WFIKKN2: variants seen among roughly 807,000 people sequenced by gnomAD.
WFIKKN2 encodes WAP, Kazal, immunoglobulin, Kunitz and NTR domain-containing protein 2.
Under a neutral mutation model 39.2 loss-of-function variants are expected in WFIKKN2, and 25 were observed. That is an observed-to-expected ratio of 0.64 (90% CI 0.47 to 0.89). WFIKKN2 has a LOEUF of 0.89. WFIKKN2 is among the 40% of genes least tolerant of loss of function. WFIKKN2 has a pLI of 0.00. For synonymous variants in WFIKKN2, 345 were observed against 329.7 expected (o/e 1.05, Z -0.50); for missense variants, 770 against 811.7 (o/e 0.95, Z 0.62).
chr17:50,838,001 C>A (rs1207074698), intron 1 of WFIKKN2, among the ~76,000 whole-genome samples: 1 of 152,070 alleles, frequency 6.6e-6, no homozygotes, highest in East Asian at 1.9e-4. Flanking sequence ...TTCTAAGGAC[C>A]CCCTGTAGGT....
upstream of WFIKKN2, among the ~76,000 whole-genome samples, chr17:50,835,193 C>A (rs1971938951): frequency 1.3e-5 from 2 of 152,220 alleles, no homozygotes; most frequent in South Asian, 4.1e-4. Context: ...GCGGCGCAGG[C>A]CCGCCCTGGA....
Position 50,840,666 on chromosome 17 carries a change from C to T in WFIKKN2, c.1378C>T (p.Arg460Cys), listed in dbSNP as rs771646942. ...PRQKLVTSFC[R>C]SDFVILGRVS... Reference sequence around the variant, plus strand: ...GCAGAAGCTCGTTACCAGCTTCTGTCGCAGCGACTTTGTCATCCTGGGCCG... The same window carrying T: ...GCAGAAGCTCGTTACCAGCTTCTGTTGCAGCGACTTTGTCATCCTGGGCCG... Residue 460 changes from arginine to cysteine, a missense_variant, in exon 2 of 2, where the codon CGC becomes TGC. Physicochemically the swap from Arg to Cys is radical, Grantham distance 180. Transcript: ENST00000311378. 8.7e-6 allele frequency: 14 copies of T among 1,613,940 alleles called. No homozygotes were observed. The Admixed American group carries it at 1.3e-4, about 15-fold the overall frequency.
Position 50,840,119 on chromosome 17 carries a change from C to T in WFIKKN2, c.831C>T (p.Ala277=). ...TTGCCCAGCTGGTCATCTATAACGC[C>T]CAGCTGCAGGATGCTGGGATCTACA... The part of the protein sequence containing the change: ...TNIAQLVIYN[A]QLQDAGIYTC... Residue 277 remains alanine, a synonymous_variant, in exon 2 of 2, where the codon GCC becomes GCT. Coordinates refer to ENST00000311378, the MANE Select transcript of WFIKKN2 (RefSeq NM_175575.6). The T allele has an allele frequency of 6.2e-7, 1 of 1,601,602 alleles. No individual in the cohort carries two copies. The highest frequency in any genetic ancestry group is 1.4e-5 in the African/African-American group (1 of 71,660).
At position 50,840,375 on chromosome 17, in the gene WFIKKN2, C is replaced by A; in HGVS notation, c.1087C>A (p.Arg363Ser). 6.2e-7 allele frequency: 1 copy of A among 1,614,142 alleles called. No homozygotes were observed. The highest frequency in any genetic ancestry group is 8.5e-7 in the Non-Finnish European group (1 of 1,180,022). Reference sequence around the variant, plus strand: ...GACCTTCACCTTCGGCCACTGCCACCGTAACCTCAACCACTTTGAGACCTA... The same window carrying A: ...GACCTTCACCTTCGGCCACTGCCACAGTAACCTCAACCACTTTGAGACCTA... ...CLTFTFGHCHRNLNHFETYEA... is the reference protein window; with the variant it reads ...CLTFTFGHCHSNLNHFETYEA... Residue 363 changes from arginine (R) to serine (S), a missense_variant, in exon 2 of 2, where the codon CGT (arginine) becomes AGT (serine). Transcript: ENST00000311378.
rs781300288 is a variant in WFIKKN2 at position 50,836,019 on chromosome 17, G to T, written c.82G>T (p.Val28Leu). Residue 28 changes from valine to leucine, a missense_variant, in exon 1 of 2, where the codon GTG (valine) becomes TTG (leucine). Physicochemically the swap from Val to Leu is conservative, Grantham distance 32. Coordinates refer to ENST00000311378, the MANE Select transcript of WFIKKN2 (RefSeq NM_175575.6). ...ALLLLLLLLG[V>L]PPRSLALPPI... ...GCTGCTGCTGCTGCTACTGCTCGGGGTGCCCCCGCGAAGCCTGGCGCTGCC... is the reference window on the plus strand; with the variant it reads ...GCTGCTGCTGCTGCTACTGCTCGGGTTGCCCCCGCGAAGCCTGGCGCTGCC... 3 of 1,601,508 alleles carry T rather than the reference G, an allele frequency of 1.9e-6. No homozygotes were observed. The Admixed American group carries it at 5.2e-5, about 28-fold the overall frequency.
At position 50,840,567 on chromosome 17, in the gene WFIKKN2, GAGAGCCGTGAGGCCTGTGA is replaced by G. The variant is rs752212531; in HGVS notation, c.1280_1298del (p.Glu427GlyfsTer40). On this transcript the variant is annotated frameshift_variant, in exon 2 of 2. Transcript: ENST00000311378. LOFTEE classifies it high-confidence loss of function. ...CTGCGAGGGCAATGGCAACAACTTT[GAGAGCCGTGAGGCCTGTGA>G]GGAGTCGTGCCCCTTCCCCAGGGGG... is the stretch of plus-strand genomic sequence containing the variant. The G allele has an allele frequency of 6.2e-7, 1 of 1,614,072 alleles. No homozygotes were observed. Among genetic ancestry groups the G allele is most frequent in the East Asian group, 2.2e-5 (1 of 44,876 alleles).
Position 50,840,942 on chromosome 17 carries a change from C to A in WFIKKN2, c.1654C>A (p.Arg552Ser). ...PDSFVGASSA[R>S]RVRKLREVMH... is the part of the protein sequence containing the mutation. ...TAGCTTTGTGGGCGCATCGAGTGCC[C>A]GCCGGGTCAGGAAGCTTCGTGAGGT... is the stretch of plus-strand genomic sequence containing the variant. The change falls in exon 2 of 2, where the codon CGC becomes AGC. Residue 552 changes from arginine to serine, a missense_variant. Transcript: ENST00000311378. The A allele has an allele frequency of 6.3e-7, 1 of 1,592,172 alleles. No individual in the cohort carries two copies. The highest frequency in any genetic ancestry group is 1.1e-5 in the South Asian group (1 of 89,136).
In WFIKKN2 at chr17:50,839,753, C is replaced by T. The variant is rs1394036192; in HGVS notation, c.465C>T (p.Asn155=). The T allele has an allele frequency of 6.2e-7, 1 of 1,614,138 alleles. No homozygotes were observed. The highest frequency in any genetic ancestry group is 1.7e-5 in the Admixed American group (1 of 60,010). The change falls in exon 2 of 2, where the codon AAC becomes AAT. Residue 155 remains asparagine, a synonymous_variant. Transcript: ENST00000311378. ...TCASDGLTYY[N]RCYMDAEACS... ...CCTCGGACGGCCTCACCTACTATAA[C>T]CGCTGCTACATGGATGCCGAGGCCT...
At chr17:50,836,542 G>A (rs1422615375) in intron 1 of WFIKKN2, among the ~76,000 whole-genome samples, 1 of 109,680 alleles carries the variant, frequency 9.1e-6, no homozygotes, top group African/African-American at 3.5e-5. Flanking sequence ...TCCAGAAGCT[G>A]GAGTGTGAGG....
rs1293061730 is a variant in WFIKKN2, at chr17:50,842,110, G to A, written c.*1091G>A. ...AGGCTCTTTGTGAGACCTGGGCAAA[G>A]GATGGGGCAGCTCGTCGATGATTTT... is the stretch of plus-strand genomic sequence containing the variant. On this transcript the variant is annotated 3_prime_UTR_variant, in exon 2 of 2. Coordinates refer to ENST00000311378, the MANE Select transcript of WFIKKN2 (RefSeq NM_175575.6). 6.6e-6 allele frequency: 1 copy of A among 152,176 alleles called. No individual in the cohort carries two copies. Among genetic ancestry groups the A allele is most frequent in the Non-Finnish European group, 1.5e-5 (1 of 68,060 alleles). The allele number at this position is 152,176 out of a possible 1,614,324, so 9.4% of individuals were successfully genotyped here.
At position 50,841,058 on chromosome 17, in the gene WFIKKN2, C is replaced by T. The variant is rs373946636; in HGVS notation, c.*39C>T. 172 of 1,463,136 alleles carry T rather than the reference C, an allele frequency of 1.2e-4. 1 individual carries two copies. In the African/African-American group the frequency reaches 2.1e-3, roughly 18 times the overall value. 90.6% of individuals were successfully genotyped at this position (1,463,136 alleles called of 1,614,324 possible). Reference sequence around the variant, plus strand: ...TCCCTGCCCCCTCCCTGGCCTTCTTCCACCTATCCACCCCAATGCCTCTCA... The same window carrying T: ...TCCCTGCCCCCTCCCTGGCCTTCTTTCACCTATCCACCCCAATGCCTCTCA... On this transcript the variant is annotated 3_prime_UTR_variant, in exon 2 of 2. Transcript: ENST00000311378.
upstream of WFIKKN2, chr17:50,835,382 CCCT>C (rs1971940714): frequency 6.6e-6 from 1 of 152,586 alleles, no homozygotes; most frequent in African/African-American, 2.4e-5. Context: ...GGGAAACAAG[CCCT>C]CCTTCAGAGT....
Position 50,840,403 on chromosome 17 carries a change from A to T in WFIKKN2, c.1115A>T (p.Glu372Val), listed in dbSNP as rs1972026881. ...HRNLNHFETYEACMLACMSGP... is the reference protein window; with the variant it reads ...HRNLNHFETYVACMLACMSGP... ...AACCTCAACCACTTTGAGACCTATG[A>T]GGCCTGCATGCTGGCCTGCATGAGC... The change falls in exon 2 of 2, where the codon GAG becomes GTG. Residue 372 changes from glutamate (E) to valine (V), a missense_variant. Glu to Val is a moderately radical substitution (Grantham distance 121). Transcript: ENST00000311378. 4 of 1,613,918 alleles carry T rather than the reference A, an allele frequency of 2.5e-6. No homozygotes were observed. In the East Asian group the frequency reaches 8.9e-5, roughly 36 times the overall value.
In WFIKKN2 at chr17:50,839,827, C is replaced by T. The variant is rs1299867676; in HGVS notation, c.539C>T (p.Thr180Ile). ...GTTGTAACCTGCCGCTATCACTTCACCTGGCCCAACACCAGCCCCCCACCA... is the reference window on the plus strand; with the variant it reads ...GTTGTAACCTGCCGCTATCACTTCATCTGGCCCAACACCAGCCCCCCACCA... ...LAVVTCRYHF[T>I]WPNTSPPPPE... Residue 180 changes from threonine (T) to isoleucine (I), a missense_variant, in exon 2 of 2, where the codon ACC becomes ATC. Coordinates refer to ENST00000311378, the MANE Select transcript of WFIKKN2 (RefSeq NM_175575.6). 6.2e-7 allele frequency: 1 copy of T among 1,614,212 alleles called. No homozygotes were observed. The highest frequency in any genetic ancestry group is 8.5e-7 in the Non-Finnish European group (1 of 1,180,016).
Position 50,840,288 on chromosome 17 carries a change from AGT to A in WFIKKN2, c.1002_1003del (p.Ser334ArgfsTer30). ...PAAECLKPPDSEDCGEEQTRW... is the reference protein window; with the variant it reads ...PAAECLKPPDXEDCGEEQTRW... ...GGCCGAGTGCCTGAAGCCCCCAGACAGTGAGGACTGTGGCGAAGAGCAGACCC... is the reference window on the plus strand; with the variant it reads ...GGCCGAGTGCCTGAAGCCCCCAGACAGAGGACTGTGGCGAAGAGCAGACCC... On this transcript the variant is annotated frameshift_variant, in exon 2 of 2. Coordinates refer to ENST00000311378, the MANE Select transcript of WFIKKN2 (RefSeq NM_175575.6). LOFTEE classifies it high-confidence loss of function. 2.5e-6 allele frequency: 4 copies of A among 1,614,020 alleles called. No homozygotes were observed. Among genetic ancestry groups the A allele is most frequent in the Non-Finnish European group, 3.4e-6 (4 of 1,179,960 alleles).
chr17:50,841,178 C>A lies in WFIKKN2; in HGVS notation c.*159C>A. ...AAAGCCACAGAAGGTCTCAGATCAG[C>A]ATCTATTCTTTGGGTTCAATAAGGG... On this transcript the variant is annotated 3_prime_UTR_variant, in exon 2 of 2. Transcript: ENST00000311378. 1 of 693,788 alleles carries A rather than the reference C, an allele frequency of 1.4e-6. No homozygotes were observed. Among genetic ancestry groups the A allele is most frequent in the Non-Finnish European group, 2.3e-6 (1 of 442,774 alleles). The allele number at this position is 693,788 out of a possible 1,614,324, so 43.0% of individuals were successfully genotyped here.
chr17:50,840,287 C>G lies in WFIKKN2; in HGVS notation c.999C>G (p.Asp333Glu), dbSNP rs755476556. 1 of 1,614,062 alleles carries G rather than the reference C, an allele frequency of 6.2e-7. No homozygotes were observed. Among genetic ancestry groups the G allele is most frequent in the Non-Finnish European group, 8.5e-7 (1 of 1,179,980 alleles). ...FPAAECLKPPDSEDCGEEQTR... is the reference protein window; with the variant it reads ...FPAAECLKPPESEDCGEEQTR... ...CGGCCGAGTGCCTGAAGCCCCCAGA[C>G]AGTGAGGACTGTGGCGAAGAGCAGA... is the stretch of plus-strand genomic sequence containing the variant. The change falls in exon 2 of 2, where the codon GAC becomes GAG. Residue 333 changes from aspartate (D) to glutamate (E), a missense_variant. By Grantham distance (45) the Asp-to-Glu change is conservative. Transcript: ENST00000311378.
intron 1 of WFIKKN2, among the ~76,000 whole-genome samples, chr17:50,839,078 C>T (rs528689449): frequency 3.9e-4 from 59 of 152,304 alleles, no homozygotes; most frequent in Admixed American, 6.5e-4. Context: ...TGCCACTTCC[C>T]GTCTCTGTGA....
rs138152713 is a variant in WFIKKN2 at position 50,836,108 on chromosome 17, C to T, written c.171C>T (p.Asp57=). The change falls in exon 1 of 2, where the codon GAC becomes GAT. Residue 57 remains aspartate (D), a synonymous_variant. Transcript: ENST00000311378. ...ACATGAATCCCAACCTCTGGGTGGACGCACAGAGCACCTGCAGGCGGGAGT... is the reference window on the plus strand; with the variant it reads ...ACATGAATCCCAACCTCTGGGTGGATGCACAGAGCACCTGCAGGCGGGAGT... ...PNDMNPNLWV[D]AQSTCRRECE... The T allele has an allele frequency of 1.4e-4, 224 of 1,613,112 alleles. 1 individual carries two copies. Among genetic ancestry groups the T allele is most frequent in the African/African-American group, 1.0e-3 (78 of 75,042 alleles).
Sources: allele counts gnomAD v4.1 joint callset (sites outside exome capture counted in the v4.1 genomes callset), GRCh38; gene constraint gnomAD v4.1.1; transcripts MANE v1.5; gene names NCBI Gene and HGNC (gene_info 2026-07-23, HGNC 2026-07-21).